The following PDE1C variants were observed in gnomAD, a reference collection of about 807,000 sequenced individuals.
The protein encoded by PDE1C is dual specificity calcium/calmodulin-dependent 3',5'-cyclic nucleotide phosphodiesterase 1C.
A neutral mutation model predicts 93.1 loss-of-function variants in PDE1C; 62 were observed. The ratio of observed to expected loss-of-function variants is 0.67; its 90% CI spans 0.54 to 0.82. The LOEUF (loss-of-function observed/expected upper bound fraction) is 0.82. Ranked by LOEUF, PDE1C falls within the 40% of genes least tolerant of loss-of-function variation. The probability of loss-of-function intolerance (pLI) is 0.00; values close to 1 mark genes in which losing one functional copy is unlikely to be tolerated. For synonymous variants in PDE1C, 325 were observed against 310.1 expected, an observed-to-expected ratio of 1.05 and a Z score of -0.50; for missense variants, 742 against 884.6, an observed-to-expected ratio of 0.84 and a Z score of 2.04.
At chr7:32,236,930 A>C (rs1024447859) in intron 1 of PDE1C, among the ~76,000 whole-genome samples, 1 of 152,088 alleles carries the variant, frequency 6.6e-6, no homozygotes, top group Non-Finnish European at 1.5e-5. Context: ...ACTGTGGTAC[A>C]CCCATACAGT....
chr7:31,621,173 A>T, the PDE1C span, among the ~76,000 whole-genome samples: 1 of 152,222 alleles, frequency 6.6e-6, no homozygotes, highest in Admixed American at 6.5e-5. Context: ...ACCAAACTGG[A>T]AAACAATCTG....
intron 3 of PDE1C, among the ~76,000 whole-genome samples, chr7:32,082,272 T>A (rs1237387649): frequency 6.6e-6 from 1 of 152,184 alleles, no homozygotes; most frequent in African/African-American, 2.4e-5. Flanking sequence ...AGCACAGCAG[T>A]CTGAGATCAA....
chr7:31,761,656 T>C (rs1235295213), intron 17 of PDE1C, among the ~76,000 whole-genome samples: 1 of 152,188 alleles, frequency 6.6e-6, no homozygotes, highest in Non-Finnish European at 1.5e-5. Context: ...AAACTCTTAG[T>C]GCTCAATTTG....
chr7:32,024,681 T>G (rs1789165725), intron 2 of PDE1C, among the ~76,000 whole-genome samples: 1 of 152,194 alleles, frequency 6.6e-6, no homozygotes, highest in Non-Finnish European at 1.5e-5. Context: ...TAGGCCTAAG[T>G]TGAATCACTG....
At chr7:31,824,246 T>C (rs1163100433) in intron 13 of PDE1C, among the ~76,000 whole-genome samples, 1 of 152,186 alleles carries the variant, frequency 6.6e-6, no homozygotes, top group Non-Finnish European at 1.5e-5. Context: ...GCACTTCCTC[T>C]GTTCTAGATC....
intron 3 of PDE1C, among the ~76,000 whole-genome samples, chr7:32,116,637 G>A (rs537548602): frequency 1.7e-4 from 26 of 152,128 alleles, no homozygotes; most frequent in Non-Finnish European, 3.5e-4. Flanking sequence ...GAGGAATGAT[G>A]AGCTGTTGGA....
intron 16 of PDE1C, among the ~76,000 whole-genome samples, chr7:31,777,510 G>A (rs936161483): frequency 1.3e-5 from 2 of 151,900 alleles, no homozygotes; most frequent in Admixed American, 6.6e-5. Context: ...TGTAGTTTTA[G>A]TAGAGACGGG....
chr7:31,841,800 A>C (rs922561069), intron 9 of PDE1C, among the ~76,000 whole-genome samples: 3 of 152,152 alleles, frequency 2.0e-5, no homozygotes, highest in African/African-American at 7.2e-5. Flanking sequence ...ATGAAGGCTG[A>C]CAAGTCCCAA....
chr7:32,252,008 G>T lies in PDE1C; in HGVS notation c.86-42469C>A, dbSNP rs139380524. Among the ~76,000 whole-genome samples, 173 of 152,240 alleles carry T rather than the reference G, an allele frequency of 1.1e-3. 1 individual carries two copies. The highest frequency in any genetic ancestry group is 3.9e-3 in the African/African-American group (162 of 41,542). On this transcript the variant is annotated intron_variant, in intron 1 of 18. Transcript: ENST00000396193. ...TGATAGACAACCCTGAATATCTCCA[G>T]GGAGGGTTCCATTTTGCACCTCTCT...
intron 2 of PDE1C, among the ~76,000 whole-genome samples, chr7:32,042,515 G>T (rs753513901): frequency 6.6e-6 from 1 of 152,156 alleles, no homozygotes; most frequent in Non-Finnish European, 1.5e-5. Flanking sequence ...GAAAATGCAT[G>T]TAAAGCACCT....
At chr7:32,423,438 C>T (rs73096021) in intron 1 of PDE1C, among the ~76,000 whole-genome samples, 25,858 of 152,126 alleles carry the variant, frequency 0.17, 2,742 homozygotes, top group Admixed American at 0.27. Context: ...TCAGACTTAC[C>T]AGAAAGTCGA....
chr7:32,342,720 T>C (rs1175525684), intron 1 of PDE1C, among the ~76,000 whole-genome samples: 2 of 152,182 alleles, frequency 1.3e-5, no homozygotes, highest in Non-Finnish European at 2.9e-5. Flanking sequence ...TGAGGCCTCT[T>C]TGTACCTTAC....
the PDE1C span, among the ~76,000 whole-genome samples, chr7:31,715,435 C>T: frequency 5.3e-5 from 8 of 152,236 alleles, no homozygotes; most frequent in South Asian, 6.2e-4. Context: ...GATGGGGTTT[C>T]GCCATATTGG....
chr7:31,794,481 TC>T (rs1253338980), intron 16 of PDE1C, among the ~76,000 whole-genome samples: 1 of 152,022 alleles, frequency 6.6e-6, no homozygotes, highest in African/African-American at 2.4e-5. Context: ...GCATGTTCTT[TC>T]TTTCCAAACA....
chr7:32,356,564 G>A (rs141022652), intron 1 of PDE1C, among the ~76,000 whole-genome samples: 56 of 152,270 alleles, frequency 3.7e-4, no homozygotes, highest in African/African-American at 1.1e-3. Context: ...ACAAATCATC[G>A]TGAAAATTAT....
chr7:32,203,342 C>T (rs1805166608), intron 2 of PDE1C, among the ~76,000 whole-genome samples: 1 of 152,198 alleles, frequency 6.6e-6, no homozygotes, highest in Admixed American at 6.5e-5. Flanking sequence ...AGCACTGTCT[C>T]GGACATGATT....
chr7:32,416,919 G>A (rs568996759), intron 1 of PDE1C, among the ~76,000 whole-genome samples: 12 of 152,262 alleles, frequency 7.9e-5, no homozygotes, highest in South Asian at 2.1e-4. Flanking sequence ...GGGAGAGATC[G>A]AGGGGCAACT....
At chr7:31,874,023 T>C (rs930515796) in intron 5 of PDE1C, among the ~76,000 whole-genome samples, 3 of 152,206 alleles carry the variant, frequency 2.0e-5, no homozygotes, top group Admixed American at 6.5e-5. Context: ...CAAAACAATA[T>C]GCCACATCAA....
At chr7:31,961,327 T>C (rs1316738860) in intron 2 of PDE1C, among the ~76,000 whole-genome samples, 1 of 152,000 alleles carries the variant, frequency 6.6e-6, no homozygotes, top group Non-Finnish European at 1.5e-5. Flanking sequence ...CATATATACA[T>C]ATACAAGATT....
Sources: allele counts gnomAD v4.1 joint callset (sites outside exome capture counted in the v4.1 genomes callset), GRCh38; gene constraint gnomAD v4.1.1; transcripts MANE v1.5; gene names NCBI Gene and HGNC (gene_info 2026-07-23, HGNC 2026-07-21).